The following CDKAL1 variants were observed in gnomAD, a reference collection of about 807,000 sequenced individuals.
CDKAL1 encodes the protein threonylcarbamoyladenosine tRNA methylthiotransferase.
A neutral mutation model predicts 68.2 loss-of-function variants in CDKAL1; 32 were observed. That is an observed-to-expected ratio of 0.47 (90% confidence interval 0.35 to 0.63). The LOEUF (loss-of-function observed/expected upper bound fraction) is 0.63, where lower values mean the gene tolerates loss of function less well. CDKAL1 is among the 30% of genes least tolerant of loss of function. The pLI, the probability that CDKAL1 is intolerant of heterozygous loss-of-function variation, is 0.00. For synonymous variants in CDKAL1, 234 were observed against 244.3 expected (o/e 0.96, Z 0.39); for missense variants, 606 against 696.7 (o/e 0.87, Z 1.47).
chr6:20,672,276 T>C (rs1262936983), intron 5 of CDKAL1, among the ~76,000 whole-genome samples: 7 of 132,124 alleles, frequency 5.3e-5, no homozygotes, highest in Non-Finnish European at 9.7e-5. Flanking sequence ...TTCTTTTTCT[T>C]TCTTTCTCTC....
intron 5 of CDKAL1, among the ~76,000 whole-genome samples, chr6:20,719,928 G>C (rs1259078255): frequency 6.6e-6 from 1 of 152,146 alleles, no homozygotes; most frequent in African/African-American, 2.4e-5. Flanking sequence ...TAAAAAGCCT[G>C]GTACGTATTT....
chr6:20,607,287 CCA>C (rs1766373754), intron 4 of CDKAL1, among the ~76,000 whole-genome samples: 1 of 152,150 alleles, frequency 6.6e-6, no homozygotes, highest in Admixed American at 6.5e-5. Context: ...GTTGAAATAA[CCA>C]CAGTCATTTT....
chr6:20,703,578 T>G (rs1045488235), intron 5 of CDKAL1, among the ~76,000 whole-genome samples: 1 of 152,234 alleles, frequency 6.6e-6, no homozygotes, highest in Non-Finnish European at 1.5e-5. Flanking sequence ...TTATAGTTAT[T>G]GTTCCATTTG....
intron 12 of CDKAL1, among the ~76,000 whole-genome samples, chr6:21,086,642 C>G (rs1772709973): frequency 6.6e-6 from 1 of 152,134 alleles, no homozygotes; most frequent in Admixed American, 6.5e-5. Flanking sequence ...CTAGTAGCCC[C>G]TTTACCTTCC....
intron 13 of CDKAL1, among the ~76,000 whole-genome samples, chr6:21,187,370 C>G (rs1778057261): frequency 6.6e-6 from 1 of 152,138 alleles, no homozygotes; most frequent in South Asian, 2.1e-4. Flanking sequence ...CTCTGAAGTC[C>G]TCTCTTCTAT....
intron 13 of CDKAL1, among the ~76,000 whole-genome samples, chr6:21,110,846 T>A (rs1476953401): frequency 6.6e-6 from 1 of 152,156 alleles, no homozygotes; most frequent in African/African-American, 2.4e-5. Context: ...TGCACACCTG[T>A]AGTCCTAGCT....
intron 5 of CDKAL1, among the ~76,000 whole-genome samples, chr6:20,685,177 C>T (rs1311990374): frequency 6.6e-6 from 1 of 152,114 alleles, no homozygotes; most frequent in Non-Finnish European, 1.5e-5. Flanking sequence ...TAATTTTTGT[C>T]AAGAATGTAA....
At chr6:20,793,287 A>G (rs1775974421) in intron 8 of CDKAL1, among the ~76,000 whole-genome samples, 1 of 152,140 alleles carries the variant, frequency 6.6e-6, no homozygotes, top group South Asian at 2.1e-4. Flanking sequence ...AAATTTTCCT[A>G]CCTTAATTCT....
chr6:20,638,052 A>G (rs1767984693), intron 4 of CDKAL1, among the ~76,000 whole-genome samples: 1 of 152,174 alleles, frequency 6.6e-6, no homozygotes, highest in African/African-American at 2.4e-5. Flanking sequence ...CAGTAGGCTA[A>G]CTTCTTAAAA....
chr6:20,929,422 C>A (rs1258039364), intron 9 of CDKAL1, among the ~76,000 whole-genome samples: 2 of 152,116 alleles, frequency 1.3e-5, no homozygotes, highest in African/African-American at 4.8e-5. Context: ...GGTGTTCCCT[C>A]ACAGAGGCAG....
chr6:21,158,407 A>G (rs1776748057), intron 13 of CDKAL1, among the ~76,000 whole-genome samples: 1 of 152,198 alleles, frequency 6.6e-6, no homozygotes, highest in Non-Finnish European at 1.5e-5. Context: ...TTTTCTTTGC[A>G]TTGCCTTCAG....
In CDKAL1 at chr6:21,198,079, T is replaced by C. The variant is rs1033341540; in HGVS notation, c.1358T>C (p.Val453Ala). Reference sequence around the variant, plus strand: ...GAATCTTTTGATTCCAAGTTTTATGTTGCACACAATCAATTCTATGAGCAG... The same window carrying C: ...GAATCTTTTGATTCCAAGTTTTATGCTGCACACAATCAATTCTATGAGCAG... ...TEESFDSKFYVAHNQFYEQVL... is the reference protein window; with the variant it reads ...TEESFDSKFYAAHNQFYEQVL... The change falls in exon 14 of 16, where the codon GTT becomes GCT. Residue 453 changes from valine to alanine, a missense_variant. Val to Ala is a moderately conservative substitution (Grantham distance 64, BLOSUM62 0). Coordinates refer to ENST00000274695, the MANE Select transcript of CDKAL1 (RefSeq NM_017774.3). 1 of 1,603,186 alleles carries C rather than the reference T, an allele frequency of 6.2e-7. No individual in the cohort carries two copies. Among genetic ancestry groups the C allele is most frequent in the Non-Finnish European group, 8.5e-7 (1 of 1,174,508 alleles).
intron 9 of CDKAL1, among the ~76,000 whole-genome samples, chr6:20,940,894 T>C (rs550216505): frequency 6.6e-6 from 1 of 152,036 alleles, no homozygotes; most frequent in Non-Finnish European, 1.5e-5. Context: ...ATCAAGACCA[T>C]CCTGGCTAAC....
chr6:21,059,879 C>G (rs1771050118), intron 11 of CDKAL1, among the ~76,000 whole-genome samples: 1 of 152,096 alleles, frequency 6.6e-6, no homozygotes, highest in South Asian at 2.1e-4. Flanking sequence ...GAACACTGTA[C>G]CTGATGTGTG....
chr6:20,834,718 G>T (rs973348220), intron 8 of CDKAL1, among the ~76,000 whole-genome samples: 1 of 152,120 alleles, frequency 6.6e-6, no homozygotes, highest in South Asian at 2.1e-4. Context: ...TTTAGTTGAA[G>T]CAACTATAGT....
chr6:20,550,710 G>T (rs114916440), intron 4 of CDKAL1, among the ~76,000 whole-genome samples: 1,616 of 152,062 alleles, frequency 0.011, 29 homozygotes, highest in African/African-American at 0.037. Flanking sequence ...AGCTATTTCT[G>T]TATCTATTAT....
chr6:20,909,917 A>G lies in CDKAL1; in HGVS notation c.743-45502A>G, dbSNP rs1762393773. 1.3e-5 allele frequency among the ~76,000 whole-genome samples: 2 copies of G among 152,218 alleles called. 1 individual carries two copies. Among genetic ancestry groups the G allele is most frequent in the African/African-American group, 4.8e-5 (2 of 41,466 alleles). ...CATTGGAATAAGCCCACGGGAAAACAGTCTTACTAATACAATGATTAAATC... is the reference window on the plus strand; with the variant it reads ...CATTGGAATAAGCCCACGGGAAAACGGTCTTACTAATACAATGATTAAATC... On this transcript the variant is annotated intron_variant, in intron 9 of 15. Coordinates refer to ENST00000274695, the MANE Select transcript of CDKAL1 (RefSeq NM_017774.3).
chr6:20,967,302 C>T (rs1205967810), intron 10 of CDKAL1, among the ~76,000 whole-genome samples: 1 of 152,186 alleles, frequency 6.6e-6, no homozygotes, highest in Non-Finnish European at 1.5e-5. Flanking sequence ...CACAGTTCAA[C>T]TCATAACAGC....
chr6:20,716,131 A>T (rs1349510698), intron 5 of CDKAL1, among the ~76,000 whole-genome samples: 4 of 152,230 alleles, frequency 2.6e-5, no homozygotes, highest in African/African-American at 7.2e-5. Flanking sequence ...GGTTTGGTGC[A>T]CACTGTGATG....
Sources: gnomAD v4.1 joint callset for allele counts (sites outside exome capture counted in the v4.1 genomes callset) on GRCh38, gnomAD v4.1.1 for gene constraint, MANE v1.5 for transcripts, NCBI Gene and HGNC (gene_info 2026-07-23, HGNC 2026-07-21) for gene names.